The following SLC30A9 variants were observed in gnomAD, a reference collection of about 807,000 sequenced individuals.
SLC30A9 encodes the protein solute carrier family 30 member 9.
Under a neutral mutation model 87.5 loss-of-function variants are expected in SLC30A9, and 58 were observed. The observed-to-expected ratio is 0.66, with a 90% CI of 0.54 to 0.82. The LOEUF (loss-of-function observed/expected upper bound fraction) is 0.82, where lower values mean the gene tolerates loss of function less well. SLC30A9 is among the 40% of genes least tolerant of loss of function. The probability of loss-of-function intolerance (pLI) is 0.00; values close to 1 mark genes in which losing one functional copy is unlikely to be tolerated. For missense variants in SLC30A9, 557 were observed against 679.1 expected (o/e 0.82, Z 2.00); for synonymous variants, 234 against 233.0 (o/e 1.00, Z -0.04).
At chr4:42,007,506 C>CT (rs1715260683) in intron 2 of SLC30A9, among the ~76,000 whole-genome samples, 1 of 152,144 alleles carries the variant, frequency 6.6e-6, no homozygotes, top group South Asian at 2.1e-4. Context: ...AATCTCAGCA[C>CT]TTTGGGAGGC....
chr4:42,034,188 AAAGGTAATATTG>A (rs756585306), intron 6 of SLC30A9, among the ~76,000 whole-genome samples: 2 of 152,206 alleles, frequency 1.3e-5, no homozygotes, highest in African/African-American at 2.4e-5. Flanking sequence ...TAACTTTTAT[AAAGGTAATATTG>A]AGAAAAGAAT....
intron 4 of SLC30A9, among the ~76,000 whole-genome samples, chr4:42,022,244 C>CTTTTTTTT (rs113214269): frequency 7.8e-6 from 1 of 128,568 alleles, no homozygotes; most frequent in Admixed American, 8.6e-5. Context: ...TTATTTTTCA[C>CTTTTTTTT]TTTTTTTTTT....
intron 3 of SLC30A9, chr4:42,018,568 G>A (rs374022043): frequency 7.9e-5 from 38 of 479,044 alleles, no homozygotes; most frequent in African/African-American, 6.2e-4. Context: ...ATTCCTGTTT[G>A]TAGCTCTCTT....
intron 2 of SLC30A9, among the ~76,000 whole-genome samples, chr4:42,011,816 AG>A (rs1434845519): frequency 6.6e-6 from 1 of 152,242 alleles, no homozygotes; most frequent in Non-Finnish European, 1.5e-5. Flanking sequence ...AAATAAAACC[AG>A]AGCAAATAAT....
At chr4:42,075,879 G>A in intron 16 of SLC30A9, 93 bp downstream of exon 16, 2 of 1,231,818 alleles carry the variant, frequency 1.6e-6, no homozygotes, top group Non-Finnish European at 2.2e-6. Flanking sequence ...GATCTTAAAG[G>A]CACTTTAGCT....
chr4:42,011,741 A>G (rs928116947), intron 2 of SLC30A9, among the ~76,000 whole-genome samples: 3 of 152,214 alleles, frequency 2.0e-5, no homozygotes, highest in Non-Finnish European at 2.9e-5. Context: ...AATGTTCTCA[A>G]AAGGTTAAAT....
intron 9 of SLC30A9, among the ~76,000 whole-genome samples, chr4:42,052,646 C>T (rs995502672): frequency 1.6e-4 from 24 of 152,186 alleles, no homozygotes; most frequent in Non-Finnish European, 2.9e-5. Context: ...GGAAATGAAA[C>T]TTTTTAAAAC....
intron 17 of SLC30A9, among the ~76,000 whole-genome samples, chr4:42,080,362 A>G (rs1420904993): frequency 1.3e-5 from 2 of 152,206 alleles, no homozygotes; most frequent in African/African-American, 2.4e-5. Flanking sequence ...ATTACAGGGA[A>G]AGGATACTGC....
intron 6 of SLC30A9, among the ~76,000 whole-genome samples, chr4:42,028,160 C>A (rs1174720872): frequency 1.3e-5 from 2 of 152,172 alleles, no homozygotes; most frequent in African/African-American, 4.8e-5. Context: ...ACTCTGTCAC[C>A]AGGCTGGAGT....
chr4:42,023,099 A>G (rs1468618380), intron 5 of SLC30A9, among the ~76,000 whole-genome samples, 169 bp downstream of exon 5: 5 of 152,222 alleles, frequency 3.3e-5, no homozygotes, highest in African/African-American at 9.6e-5. Context: ...AACTAAATAT[A>G]TGTCATAATG....
chr4:42,051,317 T>A (rs1360381122), intron 9 of SLC30A9, among the ~76,000 whole-genome samples: 1 of 152,190 alleles, frequency 6.6e-6, no homozygotes, highest in Non-Finnish European at 1.5e-5. Flanking sequence ...TCACATTCTT[T>A]AATAAAGGCA....
intron 9 of SLC30A9, among the ~76,000 whole-genome samples, chr4:42,056,264 G>A (rs1228564843): frequency 6.6e-6 from 1 of 151,976 alleles, no homozygotes; most frequent in Non-Finnish European, 1.5e-5. Flanking sequence ...AATAATGACT[G>A]TCACTTTTAA....
intron 8 of SLC30A9, among the ~76,000 whole-genome samples, chr4:42,040,545 G>T (rs1716877729): frequency 6.6e-6 from 1 of 151,978 alleles, no homozygotes; most frequent in African/African-American, 2.4e-5. Context: ...TTAACATTAA[G>T]AAAAAGGTGG....
At chr4:41,993,096 C>T (rs534594381) in intron 1 of SLC30A9, among the ~76,000 whole-genome samples, 1 of 150,268 alleles carries the variant, frequency 6.7e-6, no homozygotes, top group Non-Finnish European at 1.5e-5. Context: ...TGTCTGATAG[C>T]CACATTAAAA....
chr4:42,030,599 T>TGGGGGGGGG (rs145068198), intron 6 of SLC30A9, among the ~76,000 whole-genome samples: 34 of 148,486 alleles, frequency 2.3e-4, no homozygotes, highest in Admixed American at 1.0e-3. Flanking sequence ...TTTTTTTTTT[T>TGGGGGGGGG]GGGCTCTTTC....
chr4:42,026,017 T>C (rs551962999), intron 6 of SLC30A9, among the ~76,000 whole-genome samples: 8 of 152,234 alleles, frequency 5.3e-5, no homozygotes, highest in South Asian at 2.1e-4. Context: ...ACAGTGGCTA[T>C]TCTCAGGTGC....
chr4:42,009,253 A>C (rs1715343268), intron 2 of SLC30A9, among the ~76,000 whole-genome samples: 1 of 152,190 alleles, frequency 6.6e-6, no homozygotes, highest in Admixed American at 6.5e-5. Context: ...TCAATTTTTC[A>C]GTACTTGCTT....
intron 1 of SLC30A9, among the ~76,000 whole-genome samples, chr4:42,000,896 T>C (rs537081545): frequency 1.4e-4 from 22 of 152,186 alleles, no homozygotes; most frequent in African/African-American, 5.1e-4. Context: ...TTTTGGGTTC[T>C]TTCAAAAAGA....
intron 2 of SLC30A9, among the ~76,000 whole-genome samples, chr4:42,003,380 T>C (rs1715064556): frequency 6.6e-6 from 1 of 152,196 alleles, no homozygotes; most frequent in Admixed American, 6.5e-5. Flanking sequence ...AAATTCATTA[T>C]TACCAAGGGA....
Sources: gnomAD v4.1 joint callset for allele counts (sites outside exome capture counted in the v4.1 genomes callset) on GRCh38, gnomAD v4.1.1 for gene constraint, MANE v1.5 for transcripts, NCBI Gene and HGNC (gene_info 2026-07-23, HGNC 2026-07-21) for gene names.